OPCML: variants seen among roughly 807,000 people sequenced by gnomAD.
OPCML encodes the protein opioid-binding protein/cell adhesion molecule.
In OPCML, 13 loss-of-function variants were observed where a neutral mutation model predicts 37.8. The ratio of observed to expected loss-of-function variants is 0.34; its 90% CI spans 0.22 to 0.55. OPCML has a LOEUF of 0.55. Ranked by LOEUF, OPCML falls within the 20% of genes least tolerant of loss-of-function variation. The probability of loss-of-function intolerance (pLI) is 0.91; values close to 1 mark genes in which losing one functional copy is unlikely to be tolerated. For missense variants in OPCML, 341 were observed against 435.6 expected (o/e 0.78, Z 1.93); for synonymous variants, 176 against 168.8 (o/e 1.04, Z -0.33).
At chr11:132,472,633 C>G (rs1017208796) in intron 4 of OPCML, among the ~76,000 whole-genome samples, 1 of 152,216 alleles carries the variant, frequency 6.6e-6, no homozygotes, top group Admixed American at 6.5e-5. Flanking sequence ...GTCACAGTAG[C>G]TTGCAGCTTG....
At chr11:133,406,316 A>T (rs1425044980) in intron 1 of OPCML, among the ~76,000 whole-genome samples, 2 of 152,148 alleles carry the variant, frequency 1.3e-5, no homozygotes, top group African/African-American at 4.8e-5. Context: ...TTGGAGGGTA[A>T]TTATCTTCCA....
intron 1 of OPCML, among the ~76,000 whole-genome samples, chr11:133,366,935 C>A (rs1370912729): frequency 6.6e-6 from 1 of 152,146 alleles, no homozygotes; most frequent in East Asian, 1.9e-4. Context: ...AGCGTTCCCC[C>A]TTCACTCACC....
intron 2 of OPCML, among the ~76,000 whole-genome samples, chr11:132,781,954 ATTTTTTT>A (rs10717332): frequency 1.9e-5 from 2 of 107,776 alleles, no homozygotes; most frequent in East Asian, 2.5e-4. Context: ...ATATATATAT[ATTTTTTT>A]TTTTTTTTTT....
chr11:132,980,525 C>A (rs184675318), intron 1 of OPCML, among the ~76,000 whole-genome samples: 1 of 152,256 alleles, frequency 6.6e-6, no homozygotes, highest in East Asian at 1.9e-4. Flanking sequence ...AAAACATAGG[C>A]CCTGTGGATT....
At chr11:132,839,402 A>C (rs979130175) in intron 2 of OPCML, among the ~76,000 whole-genome samples, 3 of 152,226 alleles carry the variant, frequency 2.0e-5, no homozygotes, top group Non-Finnish European at 4.4e-5. Context: ...CCAGGGCCCA[A>C]GGACAAACTC....
chr11:133,524,328 T>C (rs1209109590), intron 1 of OPCML, among the ~76,000 whole-genome samples: 1 of 152,224 alleles, frequency 6.6e-6, no homozygotes. Flanking sequence ...AGCTGCTTTT[T>C]ACCTTTTCCA....
intron 4 of OPCML, among the ~76,000 whole-genome samples, chr11:132,491,590 C>T (rs887512341): frequency 2.0e-5 from 3 of 152,254 alleles, no homozygotes; most frequent in Non-Finnish European, 2.9e-5. Context: ...TTCCCCTTCC[C>T]TTGTTTTATT....
At chr11:133,150,611 G>A (rs1189516135) in intron 1 of OPCML, among the ~76,000 whole-genome samples, 1 of 152,116 alleles carries the variant, frequency 6.6e-6, no homozygotes, top group Non-Finnish European at 1.5e-5. Context: ...CCTGACTGTG[G>A]GATGCAGGCT....
chr11:133,236,314 C>T (rs913060006), intron 1 of OPCML, among the ~76,000 whole-genome samples: 4 of 152,084 alleles, frequency 2.6e-5, no homozygotes, highest in African/African-American at 4.8e-5. Context: ...TGGCACAGGA[C>T]GGCACGAGGT....
chr11:132,543,321 G>C (rs2096361435), intron 3 of OPCML, among the ~76,000 whole-genome samples: 1 of 152,068 alleles, frequency 6.6e-6, no homozygotes, highest in African/African-American at 2.4e-5. Flanking sequence ...AGACCAGCCT[G>C]GGCAATGTAG....
In OPCML at chr11:132,418,976, G is replaced by A. The variant is rs2136639372; in HGVS notation, c.*1217C>T. ...AAACACAGGCTCTTCTGGGAATAGTGAGTGACTGATCATTAGCTTGCTACT... is the reference window on the plus strand; with the variant it reads ...AAACACAGGCTCTTCTGGGAATAGTAAGTGACTGATCATTAGCTTGCTACT... On this transcript the variant is annotated 3_prime_UTR_variant, in exon 8 of 8. Coordinates refer to ENST00000524381, the MANE Select transcript of OPCML (RefSeq NM_001012393.5). 1 of 152,792 alleles carries A rather than the reference G, an allele frequency of 6.5e-6. No individual in the cohort carries two copies. The highest frequency in any genetic ancestry group is 1.9e-4 in the East Asian group (1 of 5,186). 9.5% of individuals were successfully genotyped at this position (152,792 alleles called of 1,614,324 possible). A position where few individuals can be genotyped will look rare whatever the true frequency, so the allele number is the denominator to read the frequency against.
chr11:133,447,607 T>C (rs1283804768), intron 1 of OPCML, among the ~76,000 whole-genome samples: 1 of 152,230 alleles, frequency 6.6e-6, no homozygotes, highest in Non-Finnish European at 1.5e-5. Flanking sequence ...CACTTATAAG[T>C]GAGAACATGC....
chr11:133,143,114 G>T (rs749709462), intron 1 of OPCML, among the ~76,000 whole-genome samples: 1 of 152,138 alleles, frequency 6.6e-6, no homozygotes, highest in South Asian at 2.1e-4. Flanking sequence ...GAGTGTAGCT[G>T]GATGTTGGAT....
At position 133,176,087 on chromosome 11, in the gene OPCML, A is replaced by G. The variant is rs899428642; in HGVS notation, c.62-233077T>C. ...GTGGCCTCCAAGTTCATACTTTAAA[A>G]TGGATCTCCACATAATTCCATGTAC... On this transcript the variant is annotated intron_variant, in intron 1 of 7. Transcript: ENST00000524381. 3.3e-5 allele frequency among the ~76,000 whole-genome samples: 5 copies of G among 152,338 alleles called. No individual in the cohort carries two copies. The East Asian group carries it at 9.7e-4, about 29-fold the overall frequency.
intron 1 of OPCML, among the ~76,000 whole-genome samples, chr11:132,968,808 G>T (rs1487158488): frequency 1.3e-5 from 2 of 152,044 alleles, no homozygotes; most frequent in African/African-American, 2.4e-5. Context: ...TCAGCATATG[G>T]ACTATCATGT....
At chr11:132,683,831 G>T (rs1161096405) in intron 2 of OPCML, among the ~76,000 whole-genome samples, 1 of 152,120 alleles carries the variant, frequency 6.6e-6, no homozygotes, top group African/African-American at 2.4e-5. Flanking sequence ...TGGGAAAGTG[G>T]CTCTGAGTGA....
At chr11:132,505,083 A>C (rs2096253691) in intron 4 of OPCML, among the ~76,000 whole-genome samples, 1 of 152,168 alleles carries the variant, frequency 6.6e-6, no homozygotes, top group South Asian at 2.1e-4. Context: ...TGGAAGCTAG[A>C]GACTGTGAAA....
intron 1 of OPCML, among the ~76,000 whole-genome samples, chr11:133,163,291 C>G (rs140605633): frequency 2.1e-3 from 315 of 152,270 alleles, no homozygotes; most frequent in Non-Finnish European, 3.6e-3. Flanking sequence ...CATTCCGAGA[C>G]TCTGTGGAAG....
intron 1 of OPCML, among the ~76,000 whole-genome samples, chr11:132,990,236 G>A (rs1308182797): frequency 1.3e-5 from 2 of 152,170 alleles, no homozygotes; most frequent in Admixed American, 6.5e-5. Context: ...GGCGTGCACC[G>A]AGTCCTTTGT....
Sources: allele counts gnomAD v4.1 joint callset (sites outside exome capture counted in the v4.1 genomes callset), GRCh38; gene constraint gnomAD v4.1.1; transcripts MANE v1.5; gene names NCBI Gene and HGNC (gene_info 2026-07-23, HGNC 2026-07-21).